The following GUCY1A2 variants were observed in gnomAD, a reference collection of about 807,000 sequenced individuals.
The protein encoded by GUCY1A2 is guanylate cyclase soluble subunit alpha-2.
A neutral mutation model predicts 63.5 loss-of-function variants in GUCY1A2; 27 were observed. The ratio of observed to expected loss-of-function variants is 0.43; its 90% confidence interval spans 0.31 to 0.59. GUCY1A2 has a LOEUF of 0.59. Among genes scored for constraint, GUCY1A2 ranks in the 20% least tolerant of loss-of-function variants. The pLI is 0.11. For synonymous variants in GUCY1A2, 364 were observed against 343.5 expected (o/e 1.06, Z -0.66); for missense variants, 768 against 913.3 (o/e 0.84, Z 2.05).
chr11:106,733,306 TGTA>T (rs1863535056), intron 6 of GUCY1A2, among the ~76,000 whole-genome samples: 1 of 151,252 alleles, frequency 6.6e-6, no homozygotes. Flanking sequence ...TATTATGAGT[TGTA>T]GTCAAAATAT....
intron 4 of GUCY1A2, among the ~76,000 whole-genome samples, chr11:106,891,631 T>C (rs78246709): frequency 0.015 from 2,298 of 152,218 alleles, 55 homozygotes; most frequent in African/African-American, 0.052. Context: ...TGTTTTTCCA[T>C]ATAAATACTC....
At chr11:106,869,302 A>G (rs1859640027) in intron 4 of GUCY1A2, among the ~76,000 whole-genome samples, 1 of 152,220 alleles carries the variant, frequency 6.6e-6, no homozygotes, top group African/African-American at 2.4e-5. Context: ...AAAAGAAACT[A>G]CCATCAGAGT....
chr11:106,793,849 A>G (rs971515680), intron 5 of GUCY1A2, among the ~76,000 whole-genome samples: 2 of 152,182 alleles, frequency 1.3e-5, no homozygotes, highest in African/African-American at 2.4e-5. Flanking sequence ...GTCTGAGATA[A>G]CAAATGCCAG....
At position 106,972,254 on chromosome 11, in the gene GUCY1A2, T is replaced by C. The variant is rs552083815; in HGVS notation, c.487+6365A>G. On this transcript the variant is annotated intron_variant, in intron 3 of 7. Coordinates refer to ENST00000526355, the MANE Select transcript of GUCY1A2 (RefSeq NM_000855.3). ...ATTGTTTTATAAATTGGGACCAAAG[T>C]ACCATATTAATGTATGATGTCAAAT... is the stretch of plus-strand genomic sequence containing the variant. Among the ~76,000 whole-genome samples, 8 of 152,290 alleles carry C rather than the reference T, an allele frequency of 5.3e-5. No individual in the cohort carries two copies. The East Asian group carries it at 1.5e-3, about 29-fold the overall frequency.
intron 5 of GUCY1A2, among the ~76,000 whole-genome samples, chr11:106,800,296 T>C (rs1281430326): frequency 3.9e-5 from 6 of 152,188 alleles, no homozygotes; most frequent in Non-Finnish European, 7.3e-5. Context: ...GGTGGGACTG[T>C]AAACTAGTTC....
At chr11:106,908,596 T>C (rs370914543) in intron 4 of GUCY1A2, among the ~76,000 whole-genome samples, 4 of 151,086 alleles carry the variant, frequency 2.6e-5, no homozygotes, top group African/African-American at 9.7e-5. Flanking sequence ...TGATAAAGGG[T>C]TTTAAACTGA....
At chr11:106,990,849 C>T (rs1291953265) in intron 1 of GUCY1A2, among the ~76,000 whole-genome samples, 1 of 152,166 alleles carries the variant, frequency 6.6e-6, no homozygotes, top group African/African-American at 2.4e-5. Flanking sequence ...ATACACACAG[C>T]ACTTCATCAT....
intron 6 of GUCY1A2, among the ~76,000 whole-genome samples, chr11:106,711,817 C>A (rs1863125241): frequency 6.6e-6 from 1 of 152,020 alleles, no homozygotes; most frequent in Admixed American, 6.6e-5. Flanking sequence ...ATATTGAATT[C>A]TAGGTTTAAA....
intron 4 of GUCY1A2, among the ~76,000 whole-genome samples, chr11:106,840,669 CT>C (rs995089822): frequency 2.0e-5 from 3 of 151,860 alleles, no homozygotes; most frequent in African/African-American, 7.2e-5. Context: ...TTCTGTGATA[CT>C]TTTTGTATTC....
intron 4 of GUCY1A2, among the ~76,000 whole-genome samples, chr11:106,828,282 C>G (rs1287023481): frequency 5.5e-5 from 7 of 126,802 alleles, no homozygotes; most frequent in African/African-American, 2.1e-4. Context: ...GGCCCATGTT[C>G]AGAAAAGCTT....
At chr11:106,971,398 A>G (rs11602032) in intron 3 of GUCY1A2, among the ~76,000 whole-genome samples, 11,071 of 152,202 alleles carry the variant, frequency 0.073, 462 homozygotes, top group Middle Eastern at 0.15. Flanking sequence ...AGCTTTATAC[A>G]TAACTACATA....
intron 4 of GUCY1A2, among the ~76,000 whole-genome samples, chr11:106,889,754 C>T (rs1325000485): frequency 1.3e-5 from 2 of 152,240 alleles, no homozygotes; most frequent in Non-Finnish European, 2.9e-5. Context: ...GTGCATATGG[C>T]TTTACATACC....
chr11:106,945,245 A>G (rs932961487), intron 3 of GUCY1A2, among the ~76,000 whole-genome samples: 4 of 152,164 alleles, frequency 2.6e-5, no homozygotes, highest in Non-Finnish European at 4.4e-5. Flanking sequence ...ATCTGCAACA[A>G]TGAAAGCTAG....
At chr11:106,947,658 A>G (rs539268861) in intron 3 of GUCY1A2, among the ~76,000 whole-genome samples, 1 of 152,190 alleles carries the variant, frequency 6.6e-6, no homozygotes, top group East Asian at 1.9e-4. Context: ...CACATTTTTA[A>G]TAATAAACAG....
chr11:106,917,366 C>A lies in GUCY1A2; in HGVS notation c.1206+22094G>T, dbSNP rs111677792. On this transcript the variant is annotated intron_variant, in intron 4 of 7. Coordinates refer to ENST00000526355, the MANE Select transcript of GUCY1A2 (RefSeq NM_000855.3). ...CTGCTTATGGTACAGAGTGACAAGA[C>A]AAGGGGTTGGAGGTAAACAGCAGCC... 1.4e-3 allele frequency among the ~76,000 whole-genome samples: 203 copies of A among 145,554 alleles called. 9 individuals carry two copies. The highest frequency in any genetic ancestry group is 4.7e-3 in the African/African-American group (191 of 41,040).
intron 1 of GUCY1A2, among the ~76,000 whole-genome samples, chr11:106,997,983 A>T (rs1007692403): frequency 5.3e-5 from 8 of 152,192 alleles, no homozygotes; most frequent in African/African-American, 1.9e-4. Context: ...AAAGAAAAAA[A>T]TAAAGTGATG....
rs78378318 is a variant in GUCY1A2 at position 106,751,692 on chromosome 11, T to A, written c.1836+24747A>T. Reference sequence around the variant, plus strand: ...TTTTTATTTTAAAATATAAAGTCAATATTATATTCCCCAAATGCTACCAGA... The same window carrying A: ...TTTTTATTTTAAAATATAAAGTCAAAATTATATTCCCCAAATGCTACCAGA... On this transcript the variant is annotated intron_variant, in intron 6 of 7. Transcript: ENST00000526355. 6.3e-3 allele frequency among the ~76,000 whole-genome samples: 955 copies of A among 152,254 alleles called. 15 individuals carry two copies. The highest frequency in any genetic ancestry group is 0.021 in the African/African-American group (879 of 41,562).
intron 4 of GUCY1A2, among the ~76,000 whole-genome samples, chr11:106,839,357 C>T (rs1399996601): frequency 6.6e-6 from 1 of 151,948 alleles, no homozygotes; most frequent in East Asian, 1.9e-4. Context: ...AGTCAGGGAA[C>T]AACAGGTGCT....
At chr11:106,914,897 G>A (rs949266351) in intron 4 of GUCY1A2, among the ~76,000 whole-genome samples, 1 of 151,976 alleles carries the variant, frequency 6.6e-6, no homozygotes, top group Non-Finnish European at 1.5e-5. Context: ...TGAACAAACA[G>A]AAAATCAACA....
Sources: allele counts gnomAD v4.1 joint callset (sites outside exome capture counted in the v4.1 genomes callset), GRCh38; gene constraint gnomAD v4.1.1; transcripts MANE v1.5; gene names NCBI Gene and HGNC (gene_info 2026-07-23, HGNC 2026-07-21).